ADCY9: variants seen among roughly 807,000 people sequenced by gnomAD.
ADCY9 encodes adenylate cyclase 9.
ADCY9 carries 50 observed loss-of-function variants against 101.5 expected under a neutral mutation model. The observed-to-expected ratio is 0.49, with a 90% CI of 0.39 to 0.62. The LOEUF (loss-of-function observed/expected upper bound fraction) is 0.62, where lower values mean the gene tolerates loss of function less well. Among genes scored for constraint, ADCY9 ranks in the 20% least tolerant of loss-of-function variants. The pLI is 0.00. For missense variants in ADCY9, 1,662 were observed against 1,800.4 expected (o/e 0.92, Z 1.39); for synonymous variants, 905 against 769.3 (o/e 1.18, Z -2.92).
Position 4,095,976 on chromosome 16 carries a change from CA to C in ADCY9, c.1693+17773del, listed in dbSNP as rs56897380. 5.0e-3 allele frequency among the ~76,000 whole-genome samples: 578 copies of C among 115,418 alleles called. 6 individuals carry two copies. The highest frequency in any genetic ancestry group is 0.016 in the African/African-American group (507 of 30,790). The allele number at this position is 115,418 out of a possible 152,430, so 75.7% of individuals were successfully genotyped here. The stretch of plus-strand genomic sequence containing the variant: ...TGGGTGACAGAGCAAGACTCTATCT[CA>C]AAAAAAAAAAAAAAAAAAAAATCAA... On this transcript the variant is annotated intron_variant, in intron 2 of 10. Coordinates refer to ENST00000294016, the MANE Select transcript of ADCY9 (RefSeq NM_001116.4).
chr16:4,052,864 C>A (rs369486343), intron 2 of ADCY9, among the ~76,000 whole-genome samples: 33 of 152,292 alleles, frequency 2.2e-4, no homozygotes, highest in African/African-American at 7.2e-4. Context: ...TTCAGCCGAA[C>A]GCATCTGACA....
rs1567414929 is a variant in ADCY9, at chr16:3,969,614, T to TACACGTA, written c.2871-2649_2871-2648insTACGTGT. On this transcript the variant is annotated intron_variant, in intron 10 of 10. Transcript: ENST00000294016. The stretch of plus-strand genomic sequence containing the variant: ...TATATATATATATATATATATGTAT[T>TACACGTA]TTTTTTTTTTTTTAAGAAGAGACAG... Among the ~76,000 whole-genome samples the TACACGTA allele has an allele frequency of 6.1e-4, 31 of 50,718 alleles. 1 individual carries two copies. The highest frequency in any genetic ancestry group is 1.3e-3 in the African/African-American group (17 of 12,612). 33.3% of individuals were successfully genotyped at this position (50,718 alleles called of 152,430 possible).
downstream of ADCY9, among the ~76,000 whole-genome samples, chr16:3,961,319 C>T (rs931815418): frequency 6.6e-5 from 10 of 151,848 alleles, no homozygotes; most frequent in South Asian, 4.2e-4. Context: ...CATGGTGTTG[C>T]GCACCTGTAG....
Position 4,007,515 on chromosome 16 carries a change from A to G in ADCY9, c.1737T>C (p.Ser579=). Residue 579 remains serine, a synonymous_variant, in exon 3 of 11, where the codon TCT becomes TCC. Transcript: ENST00000294016. ...GCAAGGCCTCTGCACAGCTGCAGCG[A>G]GACTCCTTGGCTCTCTGACCCGATA... The part of the protein sequence containing the change: ...YLISGQRAKE[S]RCSCAEALLS... The G allele has an allele frequency of 2.5e-6, 4 of 1,613,652 alleles. No individual in the cohort carries two copies. Among genetic ancestry groups the G allele is most frequent in the Non-Finnish European group, 1.7e-6 (2 of 1,179,892 alleles).
At chr16:4,040,458 ATT>A (rs35756805) in intron 2 of ADCY9, among the ~76,000 whole-genome samples, 164 of 144,264 alleles carry the variant, frequency 1.1e-3, no homozygotes, top group African/African-American at 3.8e-3. Context: ...CATCTTCTTA[ATT>A]TTTTTTTTTT....
At chr16:4,099,789 C>G in intron 2 of ADCY9, among the ~76,000 whole-genome samples, 1 of 152,348 alleles carries the variant, frequency 6.6e-6, no homozygotes, top group Non-Finnish European at 1.5e-5. Context: ...CCTTGGCTCA[C>G]GCCTGTAATC....
chr16:3,962,269 C>G (rs1260900039), downstream of ADCY9, among the ~76,000 whole-genome samples: 1 of 152,196 alleles, frequency 6.6e-6, no homozygotes, highest in Non-Finnish European at 1.5e-5. Flanking sequence ...CCTGCAATCA[C>G]TCTTTCCTTT....
chr16:3,979,176 C>A lies in ADCY9; in HGVS notation c.2619G>T (p.Val873=), dbSNP rs758619135. ...AGTAGACGGCCAGTGCGGGAAGCGA[C>A]ACCAGGATGGCCCCGATGCAGTGAC... The part of the protein sequence containing the change: ...LPRHCIGAIL[V]SLPALAVYSH... The change falls in exon 8 of 11, where the codon GTG becomes GTT. Residue 873 remains valine, a synonymous_variant. Transcript: ENST00000294016. 2 of 1,614,160 alleles carry A rather than the reference C, an allele frequency of 1.2e-6. No individual in the cohort carries two copies. The highest frequency in any genetic ancestry group is 1.1e-5 in the South Asian group (1 of 91,078).
chr16:3,964,251 C>G lies in ADCY9; in HGVS notation c.*1524G>C, dbSNP rs2055966847. On this transcript the variant is annotated 3_prime_UTR_variant, in exon 11 of 11. Coordinates refer to ENST00000294016, the MANE Select transcript of ADCY9 (RefSeq NM_001116.4). Reference sequence around the variant, plus strand: ...TGCACCCTGGGCCTCATCAGCGTCCCGGGGTCCCCTGAAAGACTGGCTACA... The same window carrying G: ...TGCACCCTGGGCCTCATCAGCGTCCGGGGGTCCCCTGAAAGACTGGCTACA... 6.6e-6 allele frequency: 1 copy of G among 152,260 alleles called. No homozygotes were observed. Among genetic ancestry groups the G allele is most frequent in the Non-Finnish European group, 1.5e-5 (1 of 68,084 alleles). 9.4% of individuals were successfully genotyped at this position (152,260 alleles called of 1,614,324 possible).
At position 3,965,978 on chromosome 16, in the gene ADCY9, A is replaced by T. The variant is rs763480855; in HGVS notation, c.3859T>A (p.Tyr1287Asn). The change falls in exon 11 of 11, where the codon TAT (tyrosine) becomes AAT (asparagine). Residue 1287 changes from tyrosine (Y) to asparagine (N), a missense_variant. Tyr to Asn is a moderately radical substitution (Grantham distance 143). Around this residue, in one of 5 missense-constraint regions of ADCY9, gnomAD observed 168 missense variants for 155.3 expected, o/e 1.08. Coordinates refer to ENST00000294016, the MANE Select transcript of ADCY9 (RefSeq NM_001116.4). ...EIANLVPSVQYVDKTSLGSDS... is the reference protein window; with the variant it reads ...EIANLVPSVQNVDKTSLGSDS... ...GAACCCAGAGATGTCTTGTCCACAT[A>T]CTGGACAGAAGGCACCAGGTTGGCA... 2.5e-6 allele frequency: 4 copies of T among 1,614,030 alleles called. No homozygotes were observed. The highest frequency in any genetic ancestry group is 3.3e-5 in the Admixed American group (2 of 60,000).
In ADCY9 at chr16:4,114,546, G is replaced by C; in HGVS notation, c.897C>G (p.Phe299Leu). The change falls in exon 2 of 11, where the codon TTC (phenylalanine) becomes TTG (leucine). Residue 299 changes from phenylalanine (F) to leucine (L), a missense_variant. Transcript: ENST00000294016. The surrounding 1 kb of genome is among the most constrained non-coding windows in gnomAD (Gnocchi z 4.3). ...TCCTGGACCTCACCTGGGACATGAC[G>C]AACAGGTGGACCCCGATGGCGTGGA... is the stretch of plus-strand genomic sequence containing the variant. ...GCIHAIGVHL[F>L]VMSQVRSRST... 2 of 1,614,132 alleles carry C rather than the reference G, an allele frequency of 1.2e-6. No homozygotes were observed. Among genetic ancestry groups the C allele is most frequent in the Non-Finnish European group, 1.7e-6 (2 of 1,180,036 alleles).
intron 2 of ADCY9, among the ~76,000 whole-genome samples, chr16:4,102,753 G>A (rs890185803): frequency 5.3e-5 from 8 of 150,938 alleles, no homozygotes; most frequent in African/African-American, 1.2e-4. Context: ...GCAGAGTCTC[G>A]CTCTGTCGCC....
At chr16:3,993,077 C>T (rs2056258703) in intron 4 of ADCY9, among the ~76,000 whole-genome samples, 2 of 152,106 alleles carry the variant, frequency 1.3e-5, no homozygotes, top group South Asian at 4.1e-4. Context: ...TTGTCTCTGC[C>T]CGTCTATATT....
intron 2 of ADCY9, among the ~76,000 whole-genome samples, chr16:4,073,534 G>C (rs925801640): frequency 6.6e-6 from 1 of 152,026 alleles, no homozygotes; most frequent in African/African-American, 2.4e-5. Flanking sequence ...TAGCTGGGAT[G>C]ACAGGCTCTC....
At chr16:4,010,781 C>CATT (rs2056399056) in intron 2 of ADCY9, among the ~76,000 whole-genome samples, 1 of 152,128 alleles carries the variant, frequency 6.6e-6, no homozygotes, top group African/African-American at 2.4e-5. Context: ...AAAGTTCAGG[C>CATT]GTTGTGGAGT....
chr16:3,998,745 G>GA (rs2056307784), intron 3 of ADCY9, among the ~76,000 whole-genome samples: 2 of 40,684 alleles, frequency 4.9e-5, no homozygotes, highest in African/African-American at 9.7e-5. Context: ...AGAAAAGAAA[G>GA]AAAGAAAGAA....
rs147992214 is a variant in ADCY9, at chr16:4,026,779, G to T, written c.1694-19221C>A. 2.3e-3 allele frequency among the ~76,000 whole-genome samples: 349 copies of T among 152,264 alleles called. 1 individual carries two copies. The highest frequency in any genetic ancestry group is 7.5e-3 in the African/African-American group (313 of 41,556). Reference sequence around the variant, plus strand: ...CTGTGTGGTTCCATTTTAATGACAGGCTCCCAAAGGCAAAACTACAGGGAA... The same window carrying T: ...CTGTGTGGTTCCATTTTAATGACAGTCTCCCAAAGGCAAAACTACAGGGAA... On this transcript the variant is annotated intron_variant, in intron 2 of 10. Coordinates refer to ENST00000294016, the MANE Select transcript of ADCY9 (RefSeq NM_001116.4).
chr16:4,116,009 G>T lies in ADCY9; in HGVS notation c.-363C>A, dbSNP rs1224445926. The T allele has an allele frequency of 5.7e-6, 1 of 174,142 alleles. No individual in the cohort carries two copies. The highest frequency in any genetic ancestry group is 1.2e-5 in the Non-Finnish European group (1 of 83,876). 10.8% of individuals were successfully genotyped at this position (174,142 alleles called of 1,614,324 possible). A position where few individuals can be genotyped will look rare whatever the true frequency, so the allele number is the denominator to read the frequency against. On this transcript the variant is annotated 5_prime_UTR_variant, in exon 1 of 11. Transcript: ENST00000294016. The stretch of plus-strand genomic sequence containing the variant: ...CCGACCCGGAGCAGCGAGCTTCGGC[G>T]GGCGCCCCCGGCTCGCGCTCCCCGG...
chr16:4,075,548 A>G (rs558058313), intron 2 of ADCY9, among the ~76,000 whole-genome samples: 6 of 152,344 alleles, frequency 3.9e-5, no homozygotes, highest in Non-Finnish European at 7.4e-5. Flanking sequence ...ATGTACTGGC[A>G]AGAAATGTAC....
Sources: gnomAD v4.1 joint callset for allele counts (sites outside exome capture counted in the v4.1 genomes callset) on GRCh38, gnomAD v4.1.1 for gene constraint, gnomAD v4.1.1 regional missense constraint, Gnocchi (gnomAD v3.1) non-coding constraint, MANE v1.5 for transcripts, NCBI Gene and HGNC (gene_info 2026-07-23, HGNC 2026-07-21) for gene names.